The following APLF variants were observed in gnomAD, a reference collection of about 807,000 sequenced individuals.
The protein encoded by APLF is aprataxin and PNK-like factor.
A neutral mutation model predicts 55.6 loss-of-function variants in APLF; 61 were observed. The ratio of observed to expected loss-of-function variants is 1.10; its 90% CI spans 0.89 to 1.36. The LOEUF is 1.36. APLF is among the 40% of genes most tolerant of loss of function. The probability of loss-of-function intolerance (pLI) is 0.00; values close to 1 mark genes in which losing one functional copy is unlikely to be tolerated. For synonymous variants in APLF, 207 were observed against 214.8 expected (o/e 0.96, Z 0.32); for missense variants, 611 against 602.5 (o/e 1.01, Z -0.15).
chr2:68,573,958 A>G (rs1475257789), intron 9 of APLF, among the ~76,000 whole-genome samples: 1 of 152,144 alleles, frequency 6.6e-6, no homozygotes, highest in Non-Finnish European at 1.5e-5. Flanking sequence ...TCAGGTTCTC[A>G]TAGACAATCA....
intron 1 of APLF, among the ~76,000 whole-genome samples, chr2:68,483,259 C>T (rs569794750): frequency 1.3e-5 from 2 of 152,250 alleles, no homozygotes; most frequent in South Asian, 4.1e-4. Context: ...CTCCAAACAG[C>T]TCAAGGCTTG....
intron 1 of APLF, among the ~76,000 whole-genome samples, chr2:68,468,989 G>GGTGTGT (rs34695552): frequency 0.056 from 8,283 of 146,678 alleles, 254 homozygotes; most frequent in East Asian, 0.09. Context: ...GTCCTAAAGG[G>GGTGTGT]GTGTGTGTGT....
intron 6 of APLF, among the ~76,000 whole-genome samples, chr2:68,532,141 A>T (rs375174210): frequency 6.6e-6 from 1 of 152,214 alleles, no homozygotes; most frequent in East Asian, 1.9e-4. Context: ...CTGAACACTG[A>T]ACCTTTAGAA....
chr2:68,518,322 TA>T (rs1350175785), intron 5 of APLF, among the ~76,000 whole-genome samples: 1 of 113,012 alleles, frequency 8.8e-6, no homozygotes, highest in African/African-American at 3.7e-5. Flanking sequence ...TTTAATAATA[TA>T]TAATATATTA....
At position 68,536,670 on chromosome 2, in the gene APLF, T is replaced by C. The variant is rs1007686831; in HGVS notation, c.805-1202T>C. 2.0e-5 allele frequency among the ~76,000 whole-genome samples: 3 copies of C among 152,306 alleles called. No homozygotes were observed. The East Asian group carries it at 5.8e-4, about 29-fold the overall frequency. ...GTTCTGCAGTGCTAATGAGAGTATT[T>C]ATTTGGTTCAAAGCACCTTCAGTTT... is the stretch of plus-strand genomic sequence containing the variant. On this transcript the variant is annotated intron_variant, in intron 6 of 9. Transcript: ENST00000303795.
In APLF at chr2:68,529,996, G is replaced by A. The variant is rs1670203167; in HGVS notation, c.804+3754G>A. On this transcript the variant is annotated intron_variant, in intron 6 of 9. Transcript: ENST00000303795. This position sits in a 1 kb window ranked among gnomAD's most constrained non-coding sequence, Gnocchi z 4.4. ...TCTCCATGGCTGCTGTGGCCTCAAG[G>A]GCCACCAGCCTCGCTCCGCAGGTTT... Among the ~76,000 whole-genome samples, 1 of 152,232 alleles carries A rather than the reference G, an allele frequency of 6.6e-6. No individual in the cohort carries two copies. The highest frequency in any genetic ancestry group is 2.1e-4 in the South Asian group (1 of 4,836).
At chr2:68,519,342 A>T (rs1669821335) in intron 5 of APLF, among the ~76,000 whole-genome samples, 1 of 146,964 alleles carries the variant, frequency 6.8e-6, no homozygotes, top group South Asian at 2.1e-4. Context: ...GTGCCCAAAA[A>T]CATGATTCAT....
intron 5 of APLF, among the ~76,000 whole-genome samples, chr2:68,518,611 T>G (rs867956074): frequency 8.8e-6 from 1 of 113,268 alleles, no homozygotes; most frequent in East Asian, 2.4e-4. Context: ...AATATATCAT[T>G]AATATATCAT....
At chr2:68,479,088 T>C (rs1424351855) in intron 1 of APLF, among the ~76,000 whole-genome samples, 3 of 152,154 alleles carry the variant, frequency 2.0e-5, no homozygotes, top group Admixed American at 1.3e-4. Context: ...ACGAAGGTGC[T>C]GAAGTGGTCT....
chr2:68,504,380 C>T (rs1676813592), intron 3 of APLF, among the ~76,000 whole-genome samples: 1 of 151,740 alleles, frequency 6.6e-6, no homozygotes, highest in East Asian at 1.9e-4. Flanking sequence ...ACCAATATTC[C>T]TCATAATAAA....
Position 68,529,164 on chromosome 2 carries a change from A to AC in APLF, c.804+2922_804+2923insC, listed in dbSNP as rs1553373101. Reference sequence around the variant, plus strand: ...GCAGACAGCACGGGTTTCTTCCTTGAGGGGGGGCTCCAGACAACAGGAGGC... The same window carrying AC: ...GCAGACAGCACGGGTTTCTTCCTTGACGGGGGGGCTCCAGACAACAGGAGGC... On this transcript the variant is annotated intron_variant, in intron 6 of 9. Transcript: ENST00000303795. This position sits in a 1 kb window ranked among gnomAD's most constrained non-coding sequence, Gnocchi z 4.4. 5 of 1,298,362 alleles carry AC rather than the reference A, an allele frequency of 3.9e-6. No homozygotes were observed. The African/African-American group carries it at 7.5e-5, about 19-fold the overall frequency. The allele number at this position is 1,298,362 out of a possible 1,614,324, so 80.4% of individuals were successfully genotyped here.
At chr2:68,519,382 G>T (rs1483105483) in intron 5 of APLF, among the ~76,000 whole-genome samples, 5 of 148,492 alleles carry the variant, frequency 3.4e-5, no homozygotes, top group Admixed American at 6.8e-5. Flanking sequence ...CCAAGTGAAA[G>T]AAAATGTATT....
intron 5 of APLF, among the ~76,000 whole-genome samples, chr2:68,525,512 A>G (rs113343919): frequency 0.014 from 2,099 of 152,212 alleles, 41 homozygotes; most frequent in African/African-American, 0.046. Context: ...CATGAATTAT[A>G]ATTCCCATTA....
chr2:68,547,603 A>G (rs972547771), intron 8 of APLF, among the ~76,000 whole-genome samples: 4 of 151,780 alleles, frequency 2.6e-5, no homozygotes, highest in Non-Finnish European at 1.5e-5. Context: ...GAGAAAAATG[A>G]ATTTTTTCAA....
At chr2:68,493,315 G>A (rs1378910380) in intron 2 of APLF, among the ~76,000 whole-genome samples, 1 of 151,952 alleles carries the variant, frequency 6.6e-6, no homozygotes, top group Non-Finnish European at 1.5e-5. Context: ...TACTGGGACA[G>A]TTATCTGTTT....
At chr2:68,561,041 A>T (rs1671154529) in intron 8 of APLF, among the ~76,000 whole-genome samples, 1 of 152,172 alleles carries the variant, frequency 6.6e-6, no homozygotes, top group East Asian at 1.9e-4. Context: ...CAGGAATTTT[A>T]TATATTATTG....
intron 9 of APLF, 28 bp from the exon 10 acceptor site, chr2:68,577,792 T>C: frequency 1.2e-6 from 2 of 1,607,394 alleles, no homozygotes; most frequent in Non-Finnish European, 1.7e-6. Context: ...GTGATTGATG[T>C]GTTGTGTACC....
intron 8 of APLF, among the ~76,000 whole-genome samples, chr2:68,564,533 A>C: frequency 6.6e-6 from 1 of 152,112 alleles, no homozygotes. Context: ...CTAATAATGA[A>C]GGGATCAAAG....
intron 7 of APLF, among the ~76,000 whole-genome samples, chr2:68,542,379 G>A (rs1302405348): frequency 1.3e-5 from 2 of 152,026 alleles, no homozygotes; most frequent in African/African-American, 2.4e-5. Context: ...CTATGGAATG[G>A]GATAAAATAT....
Sources: gnomAD v4.1 joint callset for allele counts (sites outside exome capture counted in the v4.1 genomes callset) on GRCh38, gnomAD v4.1.1 for gene constraint, Gnocchi (gnomAD v3.1) non-coding constraint, MANE v1.5 for transcripts, NCBI Gene and HGNC (gene_info 2026-07-23, HGNC 2026-07-21) for gene names.